RYR3: variants seen among roughly 807,000 people sequenced by gnomAD.
RYR3 encodes brain ryanodine receptor-calcium release channel.
Under a neutral mutation model 584.3 loss-of-function variants are expected in RYR3, and 207 were observed. The observed-to-expected ratio is 0.35, with a 90% CI of 0.32 to 0.40. The LOEUF (loss-of-function observed/expected upper bound fraction) is 0.40. Among genes scored for constraint, RYR3 ranks in the 10% least tolerant of loss-of-function variants. RYR3 has a pLI of 1.00. For synonymous variants in RYR3, 2,416 were observed against 2,248.5 expected, an observed-to-expected ratio of 1.07 and a Z score of -2.11; for missense variants, 5,616 against 6,089.2, an observed-to-expected ratio of 0.92 and a Z score of 2.59.
At position 33,863,242 on chromosome 15, in the gene RYR3, G is replaced by T. The variant is rs536456013; in HGVS notation, c.14466-896G>T. On this transcript the variant is annotated intron_variant, in intron 102 of 103. Transcript: ENST00000634891. ...TTGTTAAATAAATGTGCTGGGCAAG[G>T]AATGATGTCCTCAGCCCCTACGTAT... Among the ~76,000 whole-genome samples, 4 of 152,282 alleles carry T rather than the reference G, an allele frequency of 2.6e-5. No individual in the cohort carries two copies. The East Asian group carries it at 7.7e-4, about 29-fold the overall frequency.
At chr15:33,855,358 C>T (rs1235432957) in intron 98 of RYR3, among the ~76,000 whole-genome samples, 1 of 152,218 alleles carries the variant, frequency 6.6e-6, no homozygotes, top group East Asian at 1.9e-4. Flanking sequence ...CACATGCCAC[C>T]ATGCCCGGCT....
At chr15:33,611,831 G>A (rs951629894) in intron 18 of RYR3, among the ~76,000 whole-genome samples, 6 of 151,884 alleles carry the variant, frequency 4.0e-5, no homozygotes, top group Non-Finnish European at 8.8e-5. Context: ...GCTAATTTTT[G>A]TATCTTTAGT....
At chr15:33,419,218 A>C (rs780897837) in intron 1 of RYR3, among the ~76,000 whole-genome samples, 6 of 152,154 alleles carry the variant, frequency 3.9e-5, no homozygotes, top group Non-Finnish European at 5.9e-5. Context: ...AATCAGGTAA[A>C]TTTGAAAAAG....
intron 103 of RYR3, 176 bp from the exon 104 acceptor site, chr15:33,864,955 G>A (rs1889966895): frequency 1.8e-6 from 1 of 552,298 alleles, no homozygotes; most frequent in Non-Finnish European, 3.2e-6. Context: ...GAGAGACATG[G>A]CTTCTTGCTT....
intron 1 of RYR3, among the ~76,000 whole-genome samples, chr15:33,351,490 C>G (rs1424799484): frequency 1.3e-5 from 2 of 150,740 alleles, no homozygotes; most frequent in African/African-American, 4.9e-5. Flanking sequence ...CCTTGATGAA[C>G]ATTGATGCAA....
chr15:33,761,857 C>T (rs186836327), intron 60 of RYR3, among the ~76,000 whole-genome samples: 3 of 152,292 alleles, frequency 2.0e-5, no homozygotes, highest in East Asian at 1.9e-4. Flanking sequence ...CGAAAATCCT[C>T]AATAAAATAC....
chr15:33,556,396 T>C (rs1399071447), intron 10 of RYR3, among the ~76,000 whole-genome samples: 1 of 152,220 alleles, frequency 6.6e-6, no homozygotes, highest in African/African-American at 2.4e-5. Flanking sequence ...GGCTTTCCAT[T>C]ACTTACACTA....
rs114471843 is a variant in RYR3 at position 33,769,093 on chromosome 15, A to G, written c.8756-19A>G. The G allele has an allele frequency of 2.2e-3, 3,483 of 1,600,462 alleles. 66 individuals are homozygous for G. In the African/African-American group the frequency reaches 0.041, roughly 19 times the overall value. On this transcript the variant is annotated intron_variant, in intron 61 of 103. Coordinates refer to ENST00000634891, the MANE Select transcript of RYR3 (RefSeq NM_001036.6). ...GCTGAGTGGTTTGAGGGAATCACAG[A>G]TGATTTTTTTTATTCCAGGTAGTGA...
Position 33,633,084 on chromosome 15 carries a change from A to T in RYR3, c.3003A>T (p.Gln1001His), listed in dbSNP as rs1215494992. Residue 1001 changes from glutamine to histidine, a missense_variant, in exon 24 of 104, where the codon CAA becomes CAT. Gln to His is a conservative substitution (Grantham distance 24, BLOSUM62 0). Around this residue, in one of 9 missense-constraint regions of RYR3, gnomAD observed 1,284 missense variants for 1,344.6 expected, o/e 0.95. Transcript: ENST00000634891. ...HNVWAKDRIK[Q>H]GWTYGIQQDL... is the part of the protein sequence containing the mutation. ...TTTGGGCAAAAGACAGAATAAAACA[A>T]GGATGGACCTATGGCATCCAACAGG... 1 of 1,613,844 alleles carries T rather than the reference A, an allele frequency of 6.2e-7. No homozygotes were observed. Among genetic ancestry groups the T allele is most frequent in the African/African-American group, 1.3e-5 (1 of 74,934 alleles).
intron 102 of RYR3, among the ~76,000 whole-genome samples, chr15:33,862,027 A>C (rs1398193779): frequency 1.3e-5 from 2 of 152,218 alleles, no homozygotes; most frequent in African/African-American, 4.8e-5. Context: ...ATAACAAGTT[A>C]CTTGAACCTA....
rs754486247 is a variant in RYR3 at position 33,748,274 on chromosome 15, C to A, written c.8136+14C>A. The A allele has an allele frequency of 6.2e-7, 1 of 1,613,040 alleles. No individual in the cohort carries two copies. The highest frequency in any genetic ancestry group is 1.1e-5 in the South Asian group (1 of 90,942). ...CAGGCCAACCAGGTATGACACCACA[C>A]CCAGAGGCCCACGCTGGGCCGATGG... is the stretch of plus-strand genomic sequence containing the variant. On this transcript the variant is annotated intron_variant, in intron 54 of 103. Transcript: ENST00000634891.
intron 3 of RYR3, among the ~76,000 whole-genome samples, chr15:33,527,866 C>A (rs892234489): frequency 6.6e-6 from 1 of 152,124 alleles, no homozygotes; most frequent in Non-Finnish European, 1.5e-5. Flanking sequence ...ATTAACAAAA[C>A]CCTGGTGAGA....
chr15:33,365,937 T>C (rs1975433897), intron 1 of RYR3, among the ~76,000 whole-genome samples: 1 of 152,204 alleles, frequency 6.6e-6, no homozygotes. Context: ...TATTAGCTTA[T>C]TGGACTAGAA....
chr15:33,840,163 G>C (rs769000926), intron 89 of RYR3, among the ~76,000 whole-genome samples: 27 of 152,190 alleles, frequency 1.8e-4, no homozygotes, highest in Non-Finnish European at 5.9e-5. Context: ...TGTCATCTGA[G>C]TCAAGTCCTG....
intron 10 of RYR3, among the ~76,000 whole-genome samples, chr15:33,560,327 G>A (rs1040041415): frequency 1.3e-5 from 2 of 152,160 alleles, no homozygotes; most frequent in Non-Finnish European, 2.9e-5. Flanking sequence ...AGTGCCCACT[G>A]CAGTGACTGC....
chr15:33,315,243 T>G (rs1567847), intron 1 of RYR3, among the ~76,000 whole-genome samples: 95,838 of 152,002 alleles, frequency 0.63, 30,763 homozygotes, highest in African/African-American at 0.74. Flanking sequence ...CGCTGTCTTG[T>G]GTTGGAATGA....
rs957155588 is a variant in RYR3, at chr15:33,642,038, T to C, written c.3557-2273T>C. Among the ~76,000 whole-genome samples the C allele has an allele frequency of 2.6e-5, 4 of 152,212 alleles. No homozygotes were observed. The East Asian group carries it at 7.7e-4, about 29-fold the overall frequency. On this transcript the variant is annotated intron_variant, in intron 27 of 103. Coordinates refer to ENST00000634891, the MANE Select transcript of RYR3 (RefSeq NM_001036.6). The stretch of plus-strand genomic sequence containing the variant: ...TTCCCGTGACTGTGGTCAAGTCCAT[T>C]AACTCCTCATGTTCTTAGTTTTAGC...
Position 33,865,949 on chromosome 15 carries a change from G to A in RYR3, c.*723G>A, listed in dbSNP as rs913588269. On this transcript the variant is annotated 3_prime_UTR_variant, in exon 104 of 104. Transcript: ENST00000634891. ...GTCAACTGCTGTTATTAGAAGAAAA[G>A]TACTGTACTGAAAATTCAGAAAAAA... 1 of 152,714 alleles carries A rather than the reference G, an allele frequency of 6.5e-6. No individual in the cohort carries two copies. Among genetic ancestry groups the A allele is most frequent in the Non-Finnish European group, 1.5e-5 (1 of 68,146 alleles). The allele number at this position is 152,714 out of a possible 1,614,324, so 9.5% of individuals were successfully genotyped here.
At chr15:33,416,577 C>G (rs1431262289) in intron 1 of RYR3, among the ~76,000 whole-genome samples, 1 of 151,986 alleles carries the variant, frequency 6.6e-6, no homozygotes, top group Non-Finnish European at 1.5e-5. Context: ...CTTATAGATT[C>G]TGGATATTAG....
Sources: gnomAD v4.1 joint callset for allele counts (sites outside exome capture counted in the v4.1 genomes callset) on GRCh38, gnomAD v4.1.1 for gene constraint, gnomAD v4.1.1 regional missense constraint, MANE v1.5 for transcripts, NCBI Gene and HGNC (gene_info 2026-07-23, HGNC 2026-07-21) for gene names.